The following HIP1 variants were observed in gnomAD, a reference collection of about 807,000 sequenced individuals.
HIP1 encodes huntingtin interacting protein 1, also known as huntingtin-interacting protein 1.
Under a neutral mutation model 147.6 loss-of-function variants are expected in HIP1, and 65 were observed. The ratio of observed to expected loss-of-function variants is 0.44; its 90% confidence interval spans 0.36 to 0.54. The LOEUF (loss-of-function observed/expected upper bound fraction) is 0.54. Among genes scored for constraint, HIP1 ranks in the 20% least tolerant of loss-of-function variants. HIP1 has a pLI of 0.00. For missense variants in HIP1, 1,061 were observed against 1,299.6 expected (o/e 0.82, Z 2.82); for synonymous variants, 479 against 504.0 (o/e 0.95, Z 0.67).
Position 75,533,668 on chromosome 7 carries a change from A to AG in HIP1, c.*4503dup, listed in dbSNP as rs782366280. The AG allele has an allele frequency of 2.6e-5, 6 of 232,588 alleles. No individual in the cohort carries two copies. The highest frequency in any genetic ancestry group is 4.2e-5 in the Non-Finnish European group (5 of 117,712). 14.4% of individuals were successfully genotyped at this position (232,588 alleles called of 1,614,324 possible). Reference sequence around the variant, plus strand: ...AGGGCCTTCAAACCTGAGGTAGTTGAGGGTCACCTGAAAGACATGTCTGGA... The same window carrying AG: ...AGGGCCTTCAAACCTGAGGTAGTTGAGGGGTCACCTGAAAGACATGTCTGGA... On this transcript the variant is annotated 3_prime_UTR_variant, in exon 31 of 31. Transcript: ENST00000336926.
At chr7:75,566,806 G>A (rs1554495573) in intron 9 of HIP1, among the ~76,000 whole-genome samples, 2 of 151,252 alleles carry the variant, frequency 1.3e-5, no homozygotes, top group Non-Finnish European at 2.9e-5. Flanking sequence ...ATGGATGATG[G>A]CAGTATTTGT....
At chr7:75,562,421 T>G (rs2116844412) in intron 11 of HIP1, among the ~76,000 whole-genome samples, 1 of 152,326 alleles carries the variant, frequency 6.6e-6, no homozygotes. Flanking sequence ...CCTGAGTAGC[T>G]GGAAGTATAG....
Position 75,573,910 on chromosome 7 carries a change from T to C in HIP1, c.605-9A>G, listed in dbSNP as rs117466457. On this transcript the variant is annotated splice_polypyrimidine_tract_variant and intron_variant, in intron 7 of 30. Transcript: ENST00000336926. ...GTCCAGGGAGTTGAATACTAGGAAA[T>C]AAAAGTGAGGGAGAAAGGTGGTAGA... 1.8e-3 allele frequency: 2,823 copies of C among 1,605,496 alleles called. 91 individuals carry two copies. In the East Asian group the frequency reaches 0.056, roughly 32 times the overall value.
At chr7:75,555,328 T>C in intron 19 of HIP1, 88 bp downstream of exon 19, 1 of 1,513,648 alleles carries the variant, frequency 6.6e-7, no homozygotes, top group Non-Finnish European at 9.1e-7. Flanking sequence ...TGAGAGCCCC[T>C]GAGCTAAGTC....
intron 9 of HIP1, among the ~76,000 whole-genome samples, chr7:75,567,076 C>T (rs1554495648): frequency 6.6e-6 from 1 of 150,850 alleles, no homozygotes; most frequent in Non-Finnish European, 1.5e-5. Flanking sequence ...CACACCACCG[C>T]ACTCAAGCCT....
rs1795004275 is a variant in HIP1 at position 75,556,303 on chromosome 7, C to T, written c.1684-134G>A. ...CTCTTTAACCTGCCACTCTGATTCC[C>T]TCCCGGGGACACACTGATTGCAGTG... On this transcript the variant is annotated intron_variant, in intron 17 of 30. Transcript: ENST00000336926. 3 of 1,099,488 alleles carry T rather than the reference C, an allele frequency of 2.7e-6. No individual in the cohort carries two copies. In the Admixed American group the frequency reaches 6.8e-5, roughly 25 times the overall value. The allele number at this position is 1,099,488 out of a possible 1,614,324, so 68.1% of individuals were successfully genotyped here. A position where few individuals can be genotyped will look rare whatever the true frequency, so the allele number is the denominator to read the frequency against.
chr7:75,605,302 A>G (rs1411595513), intron 1 of HIP1, among the ~76,000 whole-genome samples: 4 of 152,156 alleles, frequency 2.6e-5, no homozygotes, highest in African/African-American at 9.7e-5. Flanking sequence ...GGGCAGAGGA[A>G]GTGCCACAAG....
At chr7:75,625,550 G>A (rs889997613) in intron 1 of HIP1, 1 of 152,284 alleles carries the variant, frequency 6.6e-6, no homozygotes, top group Non-Finnish European at 1.5e-5. Context: ...TTCAGGTAGA[G>A]ATGACAGCAT....
At chr7:75,555,787 C>T (rs1794979473) in intron 18 of HIP1, among the ~76,000 whole-genome samples, 1 of 151,662 alleles carries the variant, frequency 6.6e-6, no homozygotes, top group Non-Finnish European at 1.5e-5. Flanking sequence ...CTTCTCATGG[C>T]TGGGAGGAGA....
At chr7:75,719,462 C>T (rs1425251403) in intron 1 of HIP1, among the ~76,000 whole-genome samples, 1 of 151,634 alleles carries the variant, frequency 6.6e-6, no homozygotes, top group Non-Finnish European at 1.5e-5. Flanking sequence ...CGAGATCATG[C>T]CGCTGCACTC....
At chr7:75,716,193 C>A (rs1459285449) in intron 1 of HIP1, among the ~76,000 whole-genome samples, 1 of 152,060 alleles carries the variant, frequency 6.6e-6, no homozygotes, top group East Asian at 1.9e-4. Context: ...AAGTTCCAGA[C>A]AAAAACAATC....
chr7:75,539,385 T>C lies in HIP1; in HGVS notation c.2999A>G (p.Lys1000Arg). The stretch of plus-strand genomic sequence containing the variant: ...GTGCTTTTTCCGAAGCTCTCCCAGT[T>C]TTTGACGCTCCTTCTGCAATTCATT... ...LENELQKERQ[K>R]LGELRKKHYE... The change falls in exon 30 of 31, where the codon AAA becomes AGA. Residue 1000 changes from lysine (K) to arginine (R), a missense_variant. Lys to Arg is a conservative substitution (Grantham distance 26). This residue lies in a region of HIP1 where 810 missense variants were observed against 946.8 expected (regional missense o/e 0.86). Coordinates refer to ENST00000336926, the MANE Select transcript of HIP1 (RefSeq NM_005338.7). 6.2e-7 allele frequency: 1 copy of C among 1,614,226 alleles called. No individual in the cohort carries two copies. Among genetic ancestry groups the C allele is most frequent in the Middle Eastern group, 1.6e-4 (1 of 6,062 alleles).
At chr7:75,611,616 G>C (rs1797441082) in intron 1 of HIP1, 17 of 984,666 alleles carry the variant, frequency 1.7e-5, no homozygotes, top group Non-Finnish European at 2.0e-5. Flanking sequence ...CCAATGCCTG[G>C]GGGCCCCTCC....
At position 75,667,199 on chromosome 7, in the gene HIP1, A is replaced by G. The variant is rs141861637; in HGVS notation, c.121-67952T>C. On this transcript the variant is annotated intron_variant, in intron 1 of 30. Transcript: ENST00000336926. ...CAAGAATCAAAGACATTCTATAAAAATAGACTTTCTGGGAAAAGGTACCCT... is the reference window on the plus strand; with the variant it reads ...CAAGAATCAAAGACATTCTATAAAAGTAGACTTTCTGGGAAAAGGTACCCT... 2.7e-3 allele frequency among the ~76,000 whole-genome samples: 413 copies of G among 152,254 alleles called. 1 individual carries two copies. Among genetic ancestry groups the G allele is most frequent in the African/African-American group, 9.3e-3 (385 of 41,558 alleles).
intron 1 of HIP1, among the ~76,000 whole-genome samples, chr7:75,613,644 C>A (rs1797526709): frequency 6.6e-6 from 1 of 152,172 alleles, no homozygotes; most frequent in African/African-American, 2.4e-5. Flanking sequence ...GAATTCAAAC[C>A]CAGGTCCATC....
intron 8 of HIP1, among the ~76,000 whole-genome samples, chr7:75,569,469 G>T (rs1554496162): frequency 6.6e-6 from 1 of 152,042 alleles, no homozygotes; most frequent in Non-Finnish European, 1.5e-5. Context: ...AATTAGCCAG[G>T]TGTGGTGATG....
intron 25 of HIP1, among the ~76,000 whole-genome samples, chr7:75,546,166 G>A (rs1365816936): frequency 2.0e-5 from 3 of 151,636 alleles, no homozygotes; most frequent in African/African-American, 7.3e-5. Flanking sequence ...CACTCTCTGC[G>A]ATTTGCCAAA....
At chr7:75,735,202 T>C (rs1801977970) in intron 1 of HIP1, among the ~76,000 whole-genome samples, 2 of 152,200 alleles carry the variant, frequency 1.3e-5, no homozygotes, top group African/African-American at 4.8e-5. Context: ...ACAAGGCCCA[T>C]GTACATGCCC....
chr7:75,585,639 G>A (rs889987270), intron 5 of HIP1, among the ~76,000 whole-genome samples: 2 of 151,254 alleles, frequency 1.3e-5, no homozygotes, highest in African/African-American at 2.4e-5. Flanking sequence ...AGGGCAGCCC[G>A]ACTCCCCGCC....
Sources: gnomAD v4.1 joint callset for allele counts (sites outside exome capture counted in the v4.1 genomes callset) on GRCh38, gnomAD v4.1.1 for gene constraint, gnomAD v4.1.1 regional missense constraint, MANE v1.5 for transcripts, NCBI Gene and HGNC (gene_info 2026-07-23, HGNC 2026-07-21) for gene names.